Variants in TET2 observed in about 807,000 individuals in gnomAD.
The protein encoded by TET2 is tet methylcytosine dioxygenase 2, also known as methylcytosine dioxygenase TET2.
In TET2, 299 loss-of-function variants were observed where a neutral mutation model predicts 142.9. That is an observed-to-expected ratio of 2.09 (90% CI 1.90 to 2.30). The LOEUF is 2.30. TET2 is among the 30% of genes most tolerant of loss of function. TET2 has a pLI of 0.00. For missense variants in TET2, 2,418 were observed against 2,378.0 expected, an observed-to-expected ratio of 1.02 and a Z score of -0.35; for synonymous variants, 819 against 849.0, an observed-to-expected ratio of 0.96 and a Z score of 0.61.
At chr4:105,238,546 C>A in intron 3 of TET2, 1 of 243,922 alleles carries the variant, frequency 4.1e-6, no homozygotes. Context: ...AAGTATATTC[C>A]ATCTCAAACA....
rs750088604 is a variant in TET2 at position 105,236,008 on chromosome 4, C to G, written c.2066C>G (p.Ser689Cys). 6.2e-7 allele frequency: 1 copy of G among 1,614,142 alleles called. No homozygotes were observed. The highest frequency in any genetic ancestry group is 2.2e-5 in the East Asian group (1 of 44,874). Residue 689 changes from serine to cysteine, a missense_variant, in exon 3 of 11, where the codon TCC becomes TGC. Ser to Cys is a moderately radical substitution (Grantham distance 112). Coordinates refer to ENST00000380013, the MANE Select transcript of TET2 (RefSeq NM_001127208.3). ...TTTCATTTTCAACAAAGAGCAGATT[C>G]CCAAACTGAAAAACTTATGTCCCCA... is the stretch of plus-strand genomic sequence containing the variant. ...TRFHFQQRAD[S>C]QTEKLMSPVL...
At chr4:105,263,441 A>G (rs1429496807) in intron 8 of TET2, among the ~76,000 whole-genome samples, 1 of 152,204 alleles carries the variant, frequency 6.6e-6, no homozygotes, top group African/African-American at 2.4e-5. Flanking sequence ...ATGTACACTA[A>G]CTAAGGTGGA....
chr4:105,265,035 G>T (rs1339535520), intron 8 of TET2, among the ~76,000 whole-genome samples: 1 of 152,114 alleles, frequency 6.6e-6, no homozygotes, highest in Non-Finnish European at 1.5e-5. Context: ...CTATCCAGTA[G>T]ACATATATTT....
At chr4:105,221,702 TTTTTTTA>T (rs1433804534) in intron 2 of TET2, among the ~76,000 whole-genome samples, 2 of 152,042 alleles carry the variant, frequency 1.3e-5, no homozygotes, top group Admixed American at 6.6e-5. Flanking sequence ...CCTTTTTCTT[TTTTTTTA>T]TTTTTTATTT....
chr4:105,235,192 A>T lies in TET2; in HGVS notation c.1250A>T (p.Gln417Leu), dbSNP rs148403015. 6.2e-7 allele frequency: 1 copy of T among 1,614,102 alleles called. No individual in the cohort carries two copies. Among genetic ancestry groups the T allele is most frequent in the African/African-American group, 1.3e-5 (1 of 75,030 alleles). Reference sequence around the variant, plus strand: ...CCTCCTCCTCTTCCACAGGTTCCTCAGCTTCCTTCAGAAGGAAAAAGCACT... The same window carrying T: ...CCTCCTCCTCTTCCACAGGTTCCTCTGCTTCCTTCAGAAGGAAAAAGCACT... ...SPPPPLPQVP[Q>L]LPSEGKSTLN... The change falls in exon 3 of 11, where the codon CAG becomes CTG. Residue 417 changes from glutamine to leucine, a missense_variant. By Grantham distance (113) the Gln-to-Leu change is moderately radical. Coordinates refer to ENST00000380013, the MANE Select transcript of TET2 (RefSeq NM_001127208.3).
At chr4:105,213,849 ATAAGTAATGAGTTGAGC>A (rs1455179098) in intron 2 of TET2, among the ~76,000 whole-genome samples, 7 of 152,124 alleles carry the variant, frequency 4.6e-5, no homozygotes, top group Non-Finnish European at 1.0e-4. Context: ...CACAGGCTCA[ATAAGTAATGAGTTGAGC>A]TACGTTTTTT....
At chr4:105,187,068 C>T (rs1383686048) in intron 1 of TET2, among the ~76,000 whole-genome samples, 1 of 152,120 alleles carries the variant, frequency 6.6e-6, no homozygotes, top group Non-Finnish European at 1.5e-5. Context: ...GGTAGTGACA[C>T]TCATGTCCTC....
At chr4:105,273,337 G>GAA (rs1219624767) in intron 10 of TET2, among the ~76,000 whole-genome samples, 1 of 152,182 alleles carries the variant, frequency 6.6e-6, no homozygotes, top group Non-Finnish European at 1.5e-5. Context: ...GGAAAACATG[G>GAA]AAAAGTCTGG....
At chr4:105,171,563 C>T (rs1366149956) in intron 1 of TET2, 2 of 152,158 alleles carry the variant, frequency 1.3e-5, no homozygotes, top group African/African-American at 4.8e-5. Flanking sequence ...AAACAGTTTT[C>T]TTCAAACCAG....
intron 4 of TET2, 44 bp downstream of exon 4, chr4:105,241,473 T>C (rs2110249565): frequency 6.6e-7 from 1 of 1,516,692 alleles, no homozygotes; most frequent in East Asian, 2.5e-5. Flanking sequence ...TTTATCCTTT[T>C]GTATATGTCA....
chr4:105,191,764 C>T (rs1483693231), intron 2 of TET2, among the ~76,000 whole-genome samples: 1 of 152,142 alleles, frequency 6.6e-6, no homozygotes, highest in Non-Finnish European at 1.5e-5. Context: ...ATTTTCAAGA[C>T]ACAGGGCAAG....
At position 105,223,482 on chromosome 4, in the gene TET2, A is replaced by G. The variant is rs140179125; in HGVS notation, c.-46-10415A>G. On this transcript the variant is annotated intron_variant, in intron 2 of 10. Coordinates refer to ENST00000380013, the MANE Select transcript of TET2 (RefSeq NM_001127208.3). ...GACTTGGCAACCATACCAATATTAC[A>G]TAGTAATTTTAAAGTCAAACGAAAT... Among the ~76,000 whole-genome samples, 309 of 152,280 alleles carry G rather than the reference A, an allele frequency of 2.0e-3. 1 individual carries two copies. Among genetic ancestry groups the G allele is most frequent in the African/African-American group, 7.1e-3 (296 of 41,574 alleles).
intron 1 of TET2, among the ~76,000 whole-genome samples, chr4:105,158,819 A>G (rs969423600): frequency 7.2e-5 from 11 of 151,958 alleles, no homozygotes; most frequent in South Asian, 2.1e-4. Flanking sequence ...TGGAAAAAAA[A>G]AAAGAAAGAA....
At chr4:105,263,028 TA>T (rs11407749) in intron 8 of TET2, among the ~76,000 whole-genome samples, 22 of 150,722 alleles carry the variant, frequency 1.5e-4, no homozygotes, top group Non-Finnish European at 2.8e-4. Flanking sequence ...ACCCAGATTC[TA>T]AAAAAAAAGC....
chr4:105,275,175 G>C lies in TET2; in HGVS notation c.4665G>C (p.Glu1555Asp), dbSNP rs2110312131. ...AGCAGCCACATCACCCTCAGACAGAGTCTGTCAACTCTTATTCTGCTTCTG... is the reference window on the plus strand; with the variant it reads ...AGCAGCCACATCACCCTCAGACAGACTCTGTCAACTCTTATTCTGCTTCTG... Reference protein sequence around the residue: ...QQQQPHHPQTESVNSYSASGS... With the variant: ...QQQQPHHPQTDSVNSYSASGS... Residue 1555 changes from glutamate to aspartate, a missense_variant, in exon 11 of 11, where the codon GAG becomes GAC. Glu to Asp is a conservative substitution (Grantham distance 45). Transcript: ENST00000380013. 2 of 1,552,198 alleles carry C rather than the reference G, an allele frequency of 1.3e-6. No homozygotes were observed. The highest frequency in any genetic ancestry group is 8.7e-7 in the Non-Finnish European group (1 of 1,147,092).
At chr4:105,167,867 A>G (rs1376900971) in intron 1 of TET2, among the ~76,000 whole-genome samples, 2 of 152,238 alleles carry the variant, frequency 1.3e-5, no homozygotes, top group Non-Finnish European at 2.9e-5. Context: ...GTCTTTAAAA[A>G]TAAATGTGAA....
At chr4:105,208,153 T>C (rs1216940772) in intron 2 of TET2, among the ~76,000 whole-genome samples, 1 of 152,168 alleles carries the variant, frequency 6.6e-6, no homozygotes, top group Non-Finnish European at 1.5e-5. Context: ...TTCCTGGCCA[T>C]CTCTTGGGTC....
chr4:105,239,729 A>G (rs1729186860), intron 3 of TET2: 2 of 231,048 alleles, frequency 8.7e-6, no homozygotes, highest in Admixed American at 5.7e-5. Flanking sequence ...ATTTCCTTCA[A>G]GAATTTTTCC....
chr4:105,175,126 C>T (rs1251300174), intron 1 of TET2, among the ~76,000 whole-genome samples: 1 of 152,110 alleles, frequency 6.6e-6, no homozygotes, highest in Non-Finnish European at 1.5e-5. Context: ...TTACTAAAAG[C>T]CTATTTGCAG....
Sources: allele counts gnomAD v4.1 joint callset (sites outside exome capture counted in the v4.1 genomes callset), GRCh38; gene constraint gnomAD v4.1.1; transcripts MANE v1.5; gene names NCBI Gene and HGNC (gene_info 2026-07-23, HGNC 2026-07-21).